LYG2: variants seen among roughly 807,000 people sequenced by gnomAD.
LYG2 encodes lysozyme g-like protein 2.
In LYG2, 25 loss-of-function variants were observed where a neutral mutation model predicts 22.4. The observed-to-expected ratio is 1.12, with a 90% CI of 0.81 to 1.56. LYG2 has a LOEUF of 1.56. LYG2 is among the 40% of genes most tolerant of loss of function. The probability of loss-of-function intolerance (pLI) is 0.00; values close to 1 mark genes in which losing one functional copy is unlikely to be tolerated. For missense variants in LYG2, 266 were observed against 269.5 expected (o/e 0.99, Z 0.09); for synonymous variants, 88 against 97.0 (o/e 0.91, Z 0.55).
upstream of LYG2, among the ~76,000 whole-genome samples, chr2:99,259,820 G>A (rs143883971): frequency 5.0e-4 from 76 of 152,164 alleles, no homozygotes; most frequent in East Asian, 9.6e-4. Context: ...TTTCAGAAGC[G>A]TATAGTACTG....
chr2:99,258,041 G>C (rs2094039523), upstream of LYG2, among the ~76,000 whole-genome samples: 1 of 152,132 alleles, frequency 6.6e-6, no homozygotes, highest in Admixed American at 6.5e-5. Flanking sequence ...AGCACCTCAG[G>C]CTCCCTTGGT....
intron 3 of LYG2, among the ~76,000 whole-genome samples, chr2:99,251,300 ATTATC>A (rs1304308908): frequency 1.3e-5 from 2 of 152,364 alleles, no homozygotes; most frequent in East Asian, 1.9e-4. Flanking sequence ...ATAGAGGAGA[ATTATC>A]TTAAGTGACT....
At chr2:99,255,749 G>T (rs569389868), upstream of LYG2, among the ~76,000 whole-genome samples, 1 of 152,128 alleles carries the variant, frequency 6.6e-6, no homozygotes, top group East Asian at 1.9e-4. Flanking sequence ...CTGAGAAAAA[G>T]GTGCAAGTGT....
chr2:99,250,669 T>C (rs550097495), intron 3 of LYG2, among the ~76,000 whole-genome samples: 14 of 152,320 alleles, frequency 9.2e-5, no homozygotes, highest in African/African-American at 2.2e-4. Context: ...CCACCACGCC[T>C]GGCTGCATTT....
intron 1 of LYG2, chr2:99,255,367 A>C (rs1397825635): frequency 6.6e-6 from 1 of 152,192 alleles, no homozygotes; most frequent in Non-Finnish European, 1.5e-5. Flanking sequence ...TTATAATAGT[A>C]CTTAGGACTT....
intron 3 of LYG2, among the ~76,000 whole-genome samples, chr2:99,251,213 A>G (rs1238336033): frequency 1.3e-5 from 2 of 152,174 alleles, no homozygotes. Context: ...AATTAAATCA[A>G]ATGGGGAAAA....
intron 3 of LYG2, among the ~76,000 whole-genome samples, chr2:99,251,823 T>C (rs938891823): frequency 1.3e-5 from 2 of 151,772 alleles, no homozygotes; most frequent in African/African-American, 4.8e-5. Flanking sequence ...CCTTATATGT[T>C]AGAGACACAT....
At chr2:99,251,799 G>C (rs2094027054) in intron 3 of LYG2, among the ~76,000 whole-genome samples, 1 of 151,742 alleles carries the variant, frequency 6.6e-6, no homozygotes, top group African/African-American at 2.4e-5. Context: ...ACATCTTTTT[G>C]TGCCAGAGCT....
chr2:99,245,684 C>A (rs1559205299), intron 4 of LYG2, among the ~76,000 whole-genome samples: 1 of 150,748 alleles, frequency 6.6e-6, no homozygotes, highest in African/African-American at 2.4e-5. Flanking sequence ...AGAAGAAAAC[C>A]ATTTTTAAAA....
intron 6 of LYG2, 38 bp downstream of exon 6, chr2:99,243,961 A>G (rs1353408224): frequency 3.1e-6 from 5 of 1,612,942 alleles, no homozygotes; most frequent in Middle Eastern, 1.7e-4. Context: ...GGTCTCATTC[A>G]TTGCTCATTT....
chr2:99,261,168 G>A, the LYG2 span, among the ~76,000 whole-genome samples: 314 of 152,260 alleles, frequency 2.1e-3, 1 homozygote, highest in African/African-American at 7.1e-3. Flanking sequence ...GCAGCTCTGC[G>A]GGGGCCATGC....
At chr2:99,259,286 GAAAA>G (rs1457198159), upstream of LYG2, among the ~76,000 whole-genome samples, 1 of 148,766 alleles carries the variant, frequency 6.7e-6, no homozygotes, top group African/African-American at 2.5e-5. Flanking sequence ...AAAGAGAAAA[GAAAA>G]AAAAAGAATT....
At chr2:99,243,967 C>G in intron 6 of LYG2, 32 bp downstream of exon 6, 1 of 1,613,438 alleles carries the variant, frequency 6.2e-7, no homozygotes, top group Non-Finnish European at 8.5e-7. Context: ...ATTCATTGCT[C>G]ATTTAAACAA....
upstream of LYG2, among the ~76,000 whole-genome samples, chr2:99,256,997 G>T (rs2094037563): frequency 6.6e-6 from 1 of 152,210 alleles, no homozygotes; most frequent in African/African-American, 2.4e-5. Flanking sequence ...GGCACAGTTA[G>T]CATGTGACAG....
At chr2:99,246,594 C>A (rs759900319) in intron 4 of LYG2, 86 bp downstream of exon 4, 9 of 1,475,608 alleles carry the variant, frequency 6.1e-6, no homozygotes, top group Non-Finnish European at 8.3e-6. Context: ...GATGATTATA[C>A]CTTTTCAAAA....
the LYG2 span, among the ~76,000 whole-genome samples, chr2:99,260,983 A>T: frequency 6.6e-6 from 1 of 152,184 alleles, no homozygotes; most frequent in East Asian, 1.9e-4. Context: ...TACCCGGTAG[A>T]ATTGGAGAGA....
intron 3 of LYG2, among the ~76,000 whole-genome samples, chr2:99,250,638 T>C (rs1451372188): frequency 1.3e-5 from 2 of 152,210 alleles, no homozygotes; most frequent in African/African-American, 2.4e-5. Flanking sequence ...CCTCCCAAAG[T>C]GCTGGGATTA....
chr2:99,245,551 G>A (rs2094014601), intron 4 of LYG2, 93 bp from the exon 5 acceptor site: 1 of 690,426 alleles, frequency 1.4e-6, no homozygotes, highest in Non-Finnish European at 2.2e-6. Context: ...CAGGAGGATT[G>A]CTTGAACCCA....
Position 99,245,301 on chromosome 2 carries a change from G to A in LYG2, c.342C>T (p.Asp114=), listed in dbSNP as rs201851771. The A allele has an allele frequency of 4.3e-4, 691 of 1,609,624 alleles. 2 individuals are homozygous for A. The highest frequency in any genetic ancestry group is 1.7e-4 in the African/African-American group (13 of 74,796). ...RESHGGSVLQ[D]GWDHRGLKFG... is the part of the protein sequence containing the mutation. Reference sequence around the variant, plus strand: ...ATTTAAGTCCCCTGTGGTCCCAGCCGTCTTGCAGGACAGATCCGCCATGGC... The same window carrying A: ...ATTTAAGTCCCCTGTGGTCCCAGCCATCTTGCAGGACAGATCCGCCATGGC... Residue 114 remains aspartate (D), a synonymous_variant, in exon 5 of 7, where the codon GAC becomes GAT. Transcript: ENST00000333017.
Sources: allele counts gnomAD v4.1 joint callset (sites outside exome capture counted in the v4.1 genomes callset), GRCh38; gene constraint gnomAD v4.1.1; transcripts MANE v1.5; gene names NCBI Gene and HGNC (gene_info 2026-07-23, HGNC 2026-07-21).